Variants in RGS7 observed in about 807,000 individuals in gnomAD.
RGS7 encodes the protein regulator of G-protein signaling 7.
RGS7 carries 27 observed loss-of-function variants against 81.1 expected under a neutral mutation model. That is an observed-to-expected ratio of 0.33 (90% CI 0.25 to 0.46). RGS7 has a LOEUF of 0.46. RGS7 is among the 20% of genes least tolerant of loss of function. The pLI is 1.00. For synonymous variants in RGS7, 208 were observed against 207.7 expected (o/e 1.00, Z -0.01); for missense variants, 396 against 607.4 (o/e 0.65, Z 3.66).
chr1:241,108,165 G>T (rs2065253881), intron 2 of RGS7, among the ~76,000 whole-genome samples: 1 of 152,072 alleles, frequency 6.6e-6, no homozygotes, highest in South Asian at 2.1e-4. Context: ...GTAGCTGGGC[G>T]TAGTGACGCG....
chr1:241,268,026 C>G (rs1165675411), intron 2 of RGS7, among the ~76,000 whole-genome samples: 1 of 152,158 alleles, frequency 6.6e-6, no homozygotes, highest in Non-Finnish European at 1.5e-5. Context: ...TAAAACAAAG[C>G]CATTAAAAAG....
At chr1:240,809,317 T>C (rs890165399) in intron 14 of RGS7, among the ~76,000 whole-genome samples, 47 of 152,090 alleles carry the variant, frequency 3.1e-4, no homozygotes, top group African/African-American at 9.2e-4. Flanking sequence ...TCCTAATATT[T>C]GAAAAAAAAT....
chr1:241,295,597 G>C (rs2079377026), intron 2 of RGS7, among the ~76,000 whole-genome samples: 1 of 152,222 alleles, frequency 6.6e-6, no homozygotes, highest in Non-Finnish European at 1.5e-5. Context: ...AAAGGCGTTG[G>C]AGAACTGGGA....
intron 5 of RGS7, among the ~76,000 whole-genome samples, chr1:240,933,118 G>A (rs535687171): frequency 2.4e-4 from 36 of 148,458 alleles, no homozygotes; most frequent in East Asian, 1.2e-3. Context: ...TCCTGACCTC[G>A]TGATCTGCCC....
intron 2 of RGS7, among the ~76,000 whole-genome samples, chr1:241,223,338 C>G (rs1248605790): frequency 6.6e-6 from 1 of 152,006 alleles, no homozygotes; most frequent in Non-Finnish European, 1.5e-5. Context: ...TGGCAAATGT[C>G]CTGATTTGCC....
chr1:241,030,373 T>TATATATATATATACACACACACAC (rs374223475), intron 3 of RGS7, among the ~76,000 whole-genome samples: 1 of 135,184 alleles, frequency 7.4e-6, no homozygotes, highest in Non-Finnish European at 1.6e-5. Context: ...TATATATATA[T>TATATATATATATACACACACACAC]ACATACACAC....
At chr1:240,776,314 C>T in intron 18 of RGS7, 101 bp from the exon 19 acceptor site, 1 of 871,362 alleles carries the variant, frequency 1.1e-6, no homozygotes, top group Non-Finnish European at 2.0e-6. Context: ...GATTTTTGTG[C>T]AAGGTCAACA....
intron 18 of RGS7, among the ~76,000 whole-genome samples, chr1:240,793,183 ACT>A (rs1293642898): frequency 2.6e-5 from 4 of 152,078 alleles, no homozygotes; most frequent in African/African-American, 4.8e-5. Flanking sequence ...TGTATCGGAC[ACT>A]CTGACAAAAA....
chr1:241,235,888 G>C (rs1308645022), intron 2 of RGS7, among the ~76,000 whole-genome samples: 1 of 138,118 alleles, frequency 7.2e-6, no homozygotes, highest in Non-Finnish European at 1.6e-5. Flanking sequence ...ATACAAGGGT[G>C]AACCCCTAGG....
chr1:241,133,279 C>G (rs573231615), intron 2 of RGS7, among the ~76,000 whole-genome samples: 1 of 150,410 alleles, frequency 6.6e-6, no homozygotes, highest in East Asian at 2.0e-4. Context: ...GACTATATAT[C>G]AATTTGATAA....
intron 18 of RGS7, among the ~76,000 whole-genome samples, chr1:240,797,017 C>A (rs1687183119): frequency 4.6e-5 from 7 of 152,196 alleles, no homozygotes. Context: ...TTCTAATATT[C>A]ATTTTTACTT....
intron 3 of RGS7, among the ~76,000 whole-genome samples, chr1:241,002,800 T>C (rs1041203743): frequency 2.0e-5 from 3 of 152,220 alleles, no homozygotes; most frequent in Admixed American, 6.5e-5. Flanking sequence ...GATGTTCACG[T>C]AAAAGTCAAA....
chr1:241,080,201 G>T (rs191717646), intron 3 of RGS7, among the ~76,000 whole-genome samples: 1 of 151,382 alleles, frequency 6.6e-6, no homozygotes, highest in Non-Finnish European at 1.5e-5. Context: ...TTTAAAGGAT[G>T]AGGCATGAAA....
intron 3 of RGS7, among the ~76,000 whole-genome samples, chr1:241,077,361 C>G (rs1292271858): frequency 1.3e-5 from 2 of 152,144 alleles, no homozygotes; most frequent in African/African-American, 4.8e-5. Context: ...AAATGGCTAA[C>G]TGGATAAAAA....
At chr1:241,230,787 C>G (rs966643926) in intron 2 of RGS7, among the ~76,000 whole-genome samples, 1 of 152,116 alleles carries the variant, frequency 6.6e-6, no homozygotes, top group African/African-American at 2.4e-5. Context: ...GCTTGTAGAT[C>G]GGGAGGAGGC....
At chr1:240,855,794 G>A (rs1463516044) in intron 9 of RGS7, among the ~76,000 whole-genome samples, 2 of 152,024 alleles carry the variant, frequency 1.3e-5, no homozygotes, top group Non-Finnish European at 1.5e-5. Flanking sequence ...TTTTTATACA[G>A]ATAATACCAA....
chr1:241,339,646 C>T (rs780195965), intron 2 of RGS7, among the ~76,000 whole-genome samples: 7 of 152,070 alleles, frequency 4.6e-5, no homozygotes, highest in Admixed American at 1.3e-4. Flanking sequence ...GTTGTTCTAC[C>T]GTCATAAACT....
chr1:241,237,839 G>A (rs1402505466), intron 2 of RGS7, among the ~76,000 whole-genome samples: 3 of 152,190 alleles, frequency 2.0e-5, no homozygotes, highest in Non-Finnish European at 4.4e-5. Flanking sequence ...TGTCAGTGCA[G>A]CTTTTTACTG....
intron 3 of RGS7, among the ~76,000 whole-genome samples, chr1:241,067,670 C>T (rs2062148848): frequency 6.6e-6 from 1 of 151,914 alleles, no homozygotes; most frequent in Admixed American, 6.6e-5. Context: ...CAGGTGTGTG[C>T]CACCCCAGCT....
Sources: allele counts gnomAD v4.1 joint callset (sites outside exome capture counted in the v4.1 genomes callset), GRCh38; gene constraint gnomAD v4.1.1; transcripts MANE v1.5; gene names NCBI Gene and HGNC (gene_info 2026-07-23, HGNC 2026-07-21).